The following NXPE4 variants were observed in gnomAD, a reference collection of about 807,000 sequenced individuals.
NXPE4 encodes neurexophilin and PC-esterase domain family member 4.
Under a neutral mutation model 33.3 loss-of-function variants are expected in NXPE4, and 42 were observed. That is an observed-to-expected ratio of 1.26 (90% CI 0.98 to 1.63). The LOEUF is 1.63. Among genes scored for constraint, NXPE4 ranks in the 40% most tolerant of loss-of-function variants. The pLI, the probability that NXPE4 is intolerant of heterozygous loss-of-function variation, is 0.00. For missense variants in NXPE4, 709 were observed against 647.6 expected, an observed-to-expected ratio of 1.09 and a Z score of -1.03; for synonymous variants, 253 against 234.9, an observed-to-expected ratio of 1.08 and a Z score of -0.71.
the NXPE4 span, among the ~76,000 whole-genome samples, chr11:114,645,973 C>T: frequency 1.3e-5 from 2 of 151,980 alleles, no homozygotes; most frequent in Admixed American, 6.6e-5. Flanking sequence ...TGTATATAGC[C>T]TTTGACTCAG....
chr11:114,632,937 ATATAT>A, the NXPE4 span, among the ~76,000 whole-genome samples: 1 of 98,652 alleles, frequency 1.0e-5, no homozygotes, highest in African/African-American at 4.2e-5. Context: ...ATATAATAAT[ATATAT>A]TATATGATAT....
At chr11:114,613,311 T>C in the NXPE4 span, among the ~76,000 whole-genome samples, 17 of 151,674 alleles carry the variant, frequency 1.1e-4, no homozygotes, top group Non-Finnish European at 1.8e-4. Flanking sequence ...TACTGCCTCA[T>C]GGGTAACCAC....
At chr11:114,571,638 C>G (rs1157006191) in intron 5 of NXPE4, among the ~76,000 whole-genome samples, 165 bp from the exon 6 acceptor site, 2 of 152,174 alleles carry the variant, frequency 1.3e-5, no homozygotes, top group Admixed American at 6.5e-5. Flanking sequence ...TTTGAACAGT[C>G]AAAAGTGTTA....
chr11:114,598,141 C>A (rs940454362), upstream of NXPE4, among the ~76,000 whole-genome samples: 2 of 152,198 alleles, frequency 1.3e-5, no homozygotes, highest in Admixed American at 1.3e-4. Flanking sequence ...AAAGCAGCTA[C>A]AGGCTTCATG....
At chr11:114,589,050 T>C (rs1949378155) in intron 2 of NXPE4, among the ~76,000 whole-genome samples, 1 of 152,128 alleles carries the variant, frequency 6.6e-6, no homozygotes, top group Non-Finnish European at 1.5e-5. Context: ...CTTTGCAGGC[T>C]TGCAAAGTCT....
At chr11:114,639,865 T>TTTATATTAAATATAAAATATGTTATATA in the NXPE4 span, among the ~76,000 whole-genome samples, 7 of 52,668 alleles carry the variant, frequency 1.3e-4, no homozygotes, top group South Asian at 4.8e-3. Context: ...TATATTATAT[T>TTTATATTAAATATAAAATATGTTATATA]TTATATTAAA....
Position 114,571,241 on chromosome 11 carries a change from A to G in NXPE4, c.1332T>C (p.Ile444=). 1 of 1,614,046 alleles carries G rather than the reference A, an allele frequency of 6.2e-7. No individual in the cohort carries two copies. Among genetic ancestry groups the G allele is most frequent in the Non-Finnish European group, 8.5e-7 (1 of 1,179,938 alleles). The change falls in exon 6 of 6, where the codon ATT becomes ATC. Residue 444 remains isoleucine (I), a synonymous_variant. Coordinates refer to ENST00000375478, the MANE Select transcript of NXPE4 (RefSeq NM_001077639.2). ...SLGQHFRPFP[I]DVFIRRALNV... The stretch of plus-strand genomic sequence containing the variant: ...TGAGGGCCCTTCGGATAAAAACATC[A>G]ATGGGAAAGGGTCTGAAATGCTGGC...
chr11:114,635,160 T>A, the NXPE4 span, among the ~76,000 whole-genome samples: 3 of 150,942 alleles, frequency 2.0e-5, no homozygotes, highest in African/African-American at 7.3e-5. Context: ...TTTGTAGTTC[T>A]CCTTGAAGAG....
the NXPE4 span, among the ~76,000 whole-genome samples, chr11:114,656,138 G>T: frequency 2.6e-5 from 4 of 151,970 alleles, no homozygotes; most frequent in Admixed American, 6.6e-5. Context: ...ACCAACAAAA[G>T]GCAAGCAGAG....
upstream of NXPE4, among the ~76,000 whole-genome samples, chr11:114,599,853 G>A (rs147542586): frequency 6.6e-6 from 1 of 151,934 alleles, no homozygotes; most frequent in East Asian, 1.9e-4. Flanking sequence ...CCAACACTGG[G>A]GATTAGAATT....
rs1295306403 is a variant in NXPE4 at position 114,577,148 on chromosome 11, AATAT to A, written c.1099+2980_1099+2983del. ...AAAGTTATATATATATAATGTCATAAATATATATGTGTCATATATATATATATAT... is the reference window on the plus strand; with the variant it reads ...AAAGTTATATATATATAATGTCATAAATATGTGTCATATATATATATATAT... On this transcript the variant is annotated intron_variant, in intron 5 of 5. Transcript: ENST00000375478. Among the ~76,000 whole-genome samples, 91 of 136,800 alleles carry A rather than the reference AATAT, an allele frequency of 6.7e-4. 5 individuals carry two copies. 89.7% of individuals were successfully genotyped at this position (136,800 alleles called of 152,430 possible).
At chr11:114,640,086 GTAATA>G in the NXPE4 span, among the ~76,000 whole-genome samples, 16,716 of 119,010 alleles carry the variant, frequency 0.14, 1,407 homozygotes, top group East Asian at 0.39. Context: ...ATAATATAAT[GTAATA>G]TAATATATGA....
chr11:114,588,185 C>T (rs75258473), intron 2 of NXPE4, among the ~76,000 whole-genome samples: 265 of 152,240 alleles, frequency 1.7e-3, no homozygotes, highest in African/African-American at 6.2e-3. Context: ...TGTCCTCCCT[C>T]TCTGGGGCCC....
chr11:114,625,984 G>A, the NXPE4 span, among the ~76,000 whole-genome samples: 23 of 143,076 alleles, frequency 1.6e-4, no homozygotes, highest in East Asian at 1.4e-3. Flanking sequence ...AAAAAACGGC[G>A]CACCAGGAGA....
chr11:114,664,763 A>G, the NXPE4 span, among the ~76,000 whole-genome samples: 63 of 152,286 alleles, frequency 4.1e-4, 1 homozygote, highest in East Asian at 9.6e-4. Flanking sequence ...TCCCCTAGCA[A>G]TATGCTGTAG....
At chr11:114,653,533 C>CTTT in the NXPE4 span, among the ~76,000 whole-genome samples, 2 of 103,512 alleles carry the variant, frequency 1.9e-5, no homozygotes, top group African/African-American at 3.5e-5. Context: ...CCTGCTTTCC[C>CTTT]TTTTTTTTTT....
chr11:114,580,086 G>T (rs1335831912), intron 5 of NXPE4, 46 bp downstream of exon 5: 13 of 1,469,018 alleles, frequency 8.8e-6, no homozygotes, highest in East Asian at 2.3e-5. Context: ...AAATGGAAAA[G>T]AAGTTTCTGA....
the NXPE4 span, among the ~76,000 whole-genome samples, chr11:114,634,619 A>G: frequency 6.6e-6 from 1 of 151,662 alleles, no homozygotes; most frequent in Non-Finnish European, 1.5e-5. Context: ...AGTCTTTAAT[A>G]CATTTTGAAT....
chr11:114,671,551 T>C, the NXPE4 span, among the ~76,000 whole-genome samples: 1 of 152,034 alleles, frequency 6.6e-6, no homozygotes, highest in East Asian at 1.9e-4. Flanking sequence ...GGAAAATAAT[T>C]TATAACATAC....
Sources: gnomAD v4.1 joint callset for allele counts (sites outside exome capture counted in the v4.1 genomes callset) on GRCh38, gnomAD v4.1.1 for gene constraint, MANE v1.5 for transcripts, NCBI Gene and HGNC (gene_info 2026-07-23, HGNC 2026-07-21) for gene names.